The following INPP5D variants were observed in gnomAD, a reference collection of about 807,000 sequenced individuals.
The protein encoded by INPP5D is inositol polyphosphate-5-phosphatase D, also known as phosphatidylinositol 3,4,5-trisphosphate 5-phosphatase 1.
A neutral mutation model predicts 122.9 loss-of-function variants in INPP5D; 33 were observed. That is an observed-to-expected ratio of 0.27 (90% CI 0.20 to 0.36). The LOEUF is 0.36. Among genes scored for constraint, INPP5D ranks in the 10% least tolerant of loss-of-function variants. The probability of loss-of-function intolerance (pLI) is 1.00; values close to 1 mark genes in which losing one functional copy is unlikely to be tolerated. For missense variants in INPP5D, 1,053 were observed against 1,412.7 expected (o/e 0.75, Z 4.08); for synonymous variants, 584 against 576.2 (o/e 1.01, Z -0.19).
At chr2:233,157,998 G>A (rs761705347) in intron 9 of INPP5D, among the ~76,000 whole-genome samples, 1 of 152,070 alleles carries the variant, frequency 6.6e-6, no homozygotes, top group Non-Finnish European at 1.5e-5. Flanking sequence ...AAGGAGGGAG[G>A]GAGAAGAGGA....
chr2:233,139,470 G>GTT (rs1324276498), intron 5 of INPP5D, among the ~76,000 whole-genome samples: 5 of 38,948 alleles, frequency 1.3e-4, no homozygotes, highest in Non-Finnish European at 2.9e-4. Context: ...TAACACCTGT[G>GTT]TGTGTGTGTG....
Position 233,184,000 on chromosome 2 carries a change from G to A in INPP5D, c.2162-408G>A, listed in dbSNP as rs752635635. 6.6e-6 allele frequency among the ~76,000 whole-genome samples: 1 copy of A among 152,186 alleles called. No individual in the cohort carries two copies. Among genetic ancestry groups the A allele is most frequent in the Non-Finnish European group, 1.5e-5 (1 of 68,032 alleles). ...GGGATAACTGTGCCTAAGGGAGAGA[G>A]AGCTGCTAGCCCTCATTATCTGAAC... On this transcript the variant is annotated intron_variant, in intron 19 of 26. Coordinates refer to ENST00000445964, the MANE Select transcript of INPP5D (RefSeq NM_001017915.3). The surrounding 1 kb of genome is among the most constrained non-coding windows in gnomAD (Gnocchi z 4.6).
chr2:233,184,395 T>A lies in INPP5D; in HGVS notation c.2162-13T>A. 1.9e-6 allele frequency: 3 copies of A among 1,613,514 alleles called. No individual in the cohort carries two copies. Among genetic ancestry groups the A allele is most frequent in the Non-Finnish European group, 2.5e-6 (3 of 1,179,726 alleles). ...ACATTGTGGAACTGAATCCGTGTTC[T>A]CCCCTGTTCCAGGTCCCGGGACTGT... On this transcript the variant is annotated splice_polypyrimidine_tract_variant and intron_variant, in intron 19 of 26. Coordinates refer to ENST00000445964, the MANE Select transcript of INPP5D (RefSeq NM_001017915.3).
chr2:233,196,415 A>C (rs1695186591), intron 24 of INPP5D, among the ~76,000 whole-genome samples: 1 of 152,214 alleles, frequency 6.6e-6, no homozygotes, highest in Non-Finnish European at 1.5e-5. Context: ...GCAGTCCCTG[A>C]CTTAGGAACT....
rs557144307 is a variant in INPP5D, at chr2:233,090,769, C to T, written c.198+11371C>T. Among the ~76,000 whole-genome samples, 20 of 152,146 alleles carry T rather than the reference C, an allele frequency of 1.3e-4. No homozygotes were observed. In the South Asian group the frequency reaches 4.1e-3, roughly 32 times the overall value. On this transcript the variant is annotated intron_variant, in intron 2 of 26. Transcript: ENST00000445964. ...GGTCAGGAGTTCGAGACCAGCCTGG[C>T]CAACATGGCAAAACCCCATCTCTAC...
intron 2 of INPP5D, among the ~76,000 whole-genome samples, chr2:233,106,186 T>G (rs533919223): frequency 3.3e-5 from 5 of 152,288 alleles, no homozygotes; most frequent in South Asian, 4.1e-4. Context: ...TCTCAATACT[T>G]AATGACAGCA....
chr2:233,132,976 C>A (rs1418273522), intron 5 of INPP5D, among the ~76,000 whole-genome samples: 1 of 150,150 alleles, frequency 6.7e-6, no homozygotes, highest in Non-Finnish European at 1.5e-5. Context: ...GCAGCCTCAA[C>A]CTCCTGGGCT....
chr2:233,095,374 C>A (rs957519925), intron 2 of INPP5D, among the ~76,000 whole-genome samples: 32 of 152,176 alleles, frequency 2.1e-4, no homozygotes, highest in Admixed American at 2.0e-3. Flanking sequence ...AATCCCAGCA[C>A]TTTGGGAGAC....
rs190354150 is a variant in INPP5D, at chr2:233,087,337, T to A, written c.198+7939T>A. 2.9e-3 allele frequency among the ~76,000 whole-genome samples: 434 copies of A among 152,250 alleles called. 1 individual carries two copies. The highest frequency in any genetic ancestry group is 0.01 in the African/African-American group (421 of 41,548). ...ATTATATTTATTTATTTATTTATTT[T>A]TTTGAGACGGAGTCTCACTCTGTCA... is the stretch of plus-strand genomic sequence containing the variant. On this transcript the variant is annotated intron_variant, in intron 2 of 26. Coordinates refer to ENST00000445964, the MANE Select transcript of INPP5D (RefSeq NM_001017915.3).
At chr2:233,090,051 C>T (rs898001986) in intron 2 of INPP5D, among the ~76,000 whole-genome samples, 1 of 152,224 alleles carries the variant, frequency 6.6e-6, no homozygotes, top group African/African-American at 2.4e-5. Context: ...CTGTCTCCCC[C>T]AGTGAGCTGT....
At chr2:233,186,381 G>A (rs369313915) in intron 21 of INPP5D, among the ~76,000 whole-genome samples, 1 of 152,168 alleles carries the variant, frequency 6.6e-6, no homozygotes, top group African/African-American at 2.4e-5. Flanking sequence ...GGGTCCATTG[G>A]CTACTGATCA....
Position 233,177,170 on chromosome 2 carries a change from G to T in INPP5D, c.1990-95G>T. 6.6e-7 allele frequency: 1 copy of T among 1,511,452 alleles called. No homozygotes were observed. 93.6% of individuals were successfully genotyped at this position (1,511,452 alleles called of 1,614,324 possible). A position where few individuals can be genotyped will look rare whatever the true frequency, so the allele number is the denominator to read the frequency against. On this transcript the variant is annotated intron_variant, in intron 17 of 26. Coordinates refer to ENST00000445964, the MANE Select transcript of INPP5D (RefSeq NM_001017915.3). The surrounding 1 kb of genome is among the most constrained non-coding windows in gnomAD (Gnocchi z 4.2). ...TAAAAAGCCAACAGCCGATGAATTTGAGGATTACAGAGGCCACCAGTTAAT... is the reference window on the plus strand; with the variant it reads ...TAAAAAGCCAACAGCCGATGAATTTTAGGATTACAGAGGCCACCAGTTAAT...
chr2:233,157,348 A>G (rs1270763475), intron 9 of INPP5D, among the ~76,000 whole-genome samples: 1 of 152,182 alleles, frequency 6.6e-6, no homozygotes, highest in Non-Finnish European at 1.5e-5. Context: ...GCTCTGGGAA[A>G]GGCTCCCTCA....
intron 1 of INPP5D, among the ~76,000 whole-genome samples, chr2:233,071,153 G>A (rs1182566867): frequency 6.6e-6 from 1 of 152,104 alleles, no homozygotes; most frequent in African/African-American, 2.4e-5. Flanking sequence ...GCTTGCCGTG[G>A]TGGTGTGTGC....
intron 14 of INPP5D, 88 bp from the exon 15 acceptor site, chr2:233,169,938 C>T (rs1249912972): frequency 1.8e-5 from 29 of 1,597,050 alleles, no homozygotes; most frequent in Non-Finnish European, 2.3e-5. Flanking sequence ...TGCTCCTCGC[C>T]CCACACCTAT....
intron 5 of INPP5D, among the ~76,000 whole-genome samples, chr2:233,138,814 C>T (rs986436359): frequency 6.6e-6 from 1 of 152,118 alleles, no homozygotes; most frequent in African/African-American, 2.4e-5. Flanking sequence ...GGTGCGATCT[C>T]GGCTCACTGC....
intron 17 of INPP5D, among the ~76,000 whole-genome samples, chr2:233,174,333 G>A (rs1050207181): frequency 1.3e-5 from 2 of 152,346 alleles, no homozygotes; most frequent in East Asian, 1.9e-4. Context: ...GCGCTGTGAC[G>A]TGATGACAGC....
rs756590479 is a variant in INPP5D at position 233,147,593 on chromosome 2, A to T, written c.1029A>T (p.Lys343Asn). The change falls in exon 9 of 27, where the codon AAA becomes AAT. Residue 343 changes from lysine (K) to asparagine (N), a missense_variant and splice_region_variant. Physicochemically the swap from Lys to Asn is moderately conservative, Grantham distance 94. This residue lies in a region of INPP5D where 105 missense variants were observed against 199.8 expected (regional missense o/e 0.53). Coordinates refer to ENST00000445964, the MANE Select transcript of INPP5D (RefSeq NM_001017915.3). ...AGGACAAGTTCTACAGCCACAAGAA[A>T]AGTAAGACCCCTCGTGCCTATCAAC... is the stretch of plus-strand genomic sequence containing the variant. ...GSEDKFYSHK[K>N]ILQLIKSQKF... 1.4e-6 allele frequency: 1 copy of T among 704,180 alleles called. No homozygotes were observed. The allele number at this position is 704,180 out of a possible 1,614,324, so 43.6% of individuals were successfully genotyped here. A position where few individuals can be genotyped will look rare whatever the true frequency, so the allele number is the denominator to read the frequency against.
At chr2:233,145,998 G>A (rs1378400601) in intron 6 of INPP5D, 164 bp from the exon 7 acceptor site, 16 of 701,698 alleles carry the variant, frequency 2.3e-5, no homozygotes, top group Admixed American at 8.0e-5. Flanking sequence ...TGAGAAGATT[G>A]TAGAGATCCC....
Sources: gnomAD v4.1 joint callset for allele counts (sites outside exome capture counted in the v4.1 genomes callset) on GRCh38, gnomAD v4.1.1 for gene constraint, gnomAD v4.1.1 regional missense constraint, Gnocchi (gnomAD v3.1) non-coding constraint, MANE v1.5 for transcripts, NCBI Gene and HGNC (gene_info 2026-07-23, HGNC 2026-07-21) for gene names.